IFNG-AS1: variants seen among roughly 807,000 people sequenced by gnomAD.
IFNG-AS1 encodes the protein IFNG antisense RNA 1 (non-protein coding).
At chr12:68,000,998 T>C (rs183429306) in intron 2 of IFNG-AS1, among the ~76,000 whole-genome samples, 1 of 152,296 alleles carries the variant, frequency 6.6e-6, no homozygotes, top group East Asian at 1.9e-4. Context: ...CCTTACTCTA[T>C]AAAGGATAGG....
At chr12:68,021,085 A>G (rs911121137) in intron 4 of IFNG-AS1, 1 of 152,126 alleles carries the variant, frequency 6.6e-6, no homozygotes, top group Non-Finnish European at 1.5e-5. Flanking sequence ...ATCTTTCCCC[A>G]TACTGATCAT....
At chr12:68,006,863 G>A (rs369317451) in intron 3 of IFNG-AS1, among the ~76,000 whole-genome samples, 33 of 152,276 alleles carry the variant, frequency 2.2e-4, no homozygotes, top group East Asian at 1.2e-3. Context: ...ATCCCTTGAC[G>A]GCAGCTTTGT....
At chr12:68,006,071 C>A (rs1879898351) in intron 2 of IFNG-AS1, 1 of 152,256 alleles carries the variant, frequency 6.6e-6, no homozygotes, top group South Asian at 2.1e-4. Context: ...TCCTTCCCTT[C>A]TTCCTTTCCA....
chr12:68,000,581 TG>T (rs1879745675), intron 2 of IFNG-AS1, among the ~76,000 whole-genome samples: 1 of 152,020 alleles, frequency 6.6e-6, no homozygotes, highest in Admixed American at 6.6e-5. Flanking sequence ...CTGAGATGGG[TG>T]GATTGCTTGA....
At chr12:68,014,676 G>C (rs1194692442) in intron 3 of IFNG-AS1, among the ~76,000 whole-genome samples, 2 of 152,026 alleles carry the variant, frequency 1.3e-5, no homozygotes, top group East Asian at 3.9e-4. Flanking sequence ...TTTTGGACTT[G>C]AACTGCGTCT....
At chr12:67,992,069 T>G (rs1230618631) in intron 1 of IFNG-AS1, among the ~76,000 whole-genome samples, 1 of 146,486 alleles carries the variant, frequency 6.8e-6, no homozygotes, top group African/African-American at 2.4e-5. Context: ...TCTTTCTCTC[T>G]GTCTCTGTAT....
intron 2 of IFNG-AS1, among the ~76,000 whole-genome samples, chr12:67,997,497 A>T (rs1879669880): frequency 1.3e-5 from 2 of 151,984 alleles, no homozygotes; most frequent in African/African-American, 4.8e-5. Flanking sequence ...TAAAGACCCA[A>T]TGAAAAAGAG....
In IFNG-AS1 at chr12:67,998,465, A is replaced by G. The variant is rs574262493; in HGVS notation, n.184+2392A>G. Among the ~76,000 whole-genome samples the G allele has an allele frequency of 5.9e-5, 9 of 151,826 alleles. No individual in the cohort carries two copies. In the East Asian group the frequency reaches 1.7e-3, roughly 29 times the overall value. ...AAAAAAAAGAAAAAGAAAAAGAAAG[A>G]AAACCACAAAAAGGTTAACCCAGGA... On this transcript the variant is annotated intron_variant and non_coding_transcript_variant, in intron 2 of 5. Transcript: ENST00000536914.
intron 2 of IFNG-AS1, among the ~76,000 whole-genome samples, chr12:67,999,420 C>A (rs1421721845): frequency 6.6e-6 from 1 of 152,044 alleles, no homozygotes; most frequent in African/African-American, 2.4e-5. Context: ...AGGGAAAGTA[C>A]TGTGTAAGAT....
intron 3 of IFNG-AS1, among the ~76,000 whole-genome samples, chr12:68,015,955 A>G (rs1192998587): frequency 6.6e-6 from 1 of 152,088 alleles, no homozygotes; most frequent in Non-Finnish European, 1.5e-5. Context: ...GGGGGGGGAA[A>G]AAAAACCTTT....
intron 3 of IFNG-AS1, among the ~76,000 whole-genome samples, chr12:68,014,975 G>A (rs1880113413): frequency 6.6e-6 from 1 of 152,046 alleles, no homozygotes; most frequent in African/African-American, 2.4e-5. Context: ...AACAGATTTT[G>A]AGATAAAGGG....
intron 3 of IFNG-AS1, among the ~76,000 whole-genome samples, chr12:68,011,864 A>T (rs1327490698): frequency 1.3e-5 from 2 of 152,148 alleles, no homozygotes; most frequent in Admixed American, 6.5e-5. Context: ...ATAGGGAAAG[A>T]TTAGAGAGAA....
chr12:67,996,991 C>T (rs1219358132), intron 2 of IFNG-AS1, among the ~76,000 whole-genome samples: 1 of 151,796 alleles, frequency 6.6e-6, no homozygotes, highest in Non-Finnish European at 1.5e-5. Flanking sequence ...TATAAAATAG[C>T]AGGATAAAAA....
chr12:68,003,952 G>A (rs1315788193), intron 2 of IFNG-AS1, among the ~76,000 whole-genome samples: 1 of 35,704 alleles, frequency 2.8e-5, no homozygotes, highest in Non-Finnish European at 7.6e-5. Context: ...ACTATCCGAG[G>A]CTATGTTGGT....
At chr12:67,994,716 A>G (rs73324874) in intron 1 of IFNG-AS1, among the ~76,000 whole-genome samples, 4 of 152,312 alleles carry the variant, frequency 2.6e-5, no homozygotes, top group South Asian at 2.1e-4. Context: ...GATGAAATAG[A>G]TGTACGTGAA....
At chr12:68,003,411 A>G (rs1879819554) in intron 2 of IFNG-AS1, among the ~76,000 whole-genome samples, 1 of 149,640 alleles carries the variant, frequency 6.7e-6, no homozygotes, top group Non-Finnish European at 1.5e-5. Flanking sequence ...CATAGAAGCT[A>G]ATCATATTCC....
chr12:67,991,961 C>T (rs967109004), intron 1 of IFNG-AS1, among the ~76,000 whole-genome samples: 1 of 152,188 alleles, frequency 6.6e-6, no homozygotes, highest in Non-Finnish European at 1.5e-5. Context: ...GTTATTTTCT[C>T]ATAGTTATTT....
chr12:68,015,584 C>G (rs1235443372), intron 3 of IFNG-AS1, among the ~76,000 whole-genome samples: 1 of 152,122 alleles, frequency 6.6e-6, no homozygotes, highest in East Asian at 1.9e-4. Flanking sequence ...TTTCCTTAAC[C>G]GTTCTTATGA....
At chr12:68,012,446 A>G (rs1247349436) in intron 3 of IFNG-AS1, among the ~76,000 whole-genome samples, 1 of 152,208 alleles carries the variant, frequency 6.6e-6, no homozygotes, top group Non-Finnish European at 1.5e-5. Context: ...GCAGGAATAC[A>G]CTATGCTCAA....
Sources: gnomAD v4.1 joint callset for allele counts (sites outside exome capture counted in the v4.1 genomes callset) on GRCh38, gnomAD v4.1.1 for gene constraint, MANE v1.5 for transcripts, NCBI Gene and HGNC (gene_info 2026-07-23, HGNC 2026-07-21) for gene names.